COA1: variants seen among roughly 807,000 people sequenced by gnomAD.
COA1 encodes the protein cytochrome c oxidase assembly factor 1 homolog.
In COA1, 13 loss-of-function variants were observed where a neutral mutation model predicts 16.0. That is an observed-to-expected ratio of 0.81 (90% CI 0.53 to 1.29). The LOEUF (loss-of-function observed/expected upper bound fraction) is 1.29, where lower values mean the gene tolerates loss of function less well. COA1 is among the 50% of genes most tolerant of loss of function. The pLI, the probability that COA1 is intolerant of heterozygous loss-of-function variation, is 0.00. For synonymous variants in COA1, 65 were observed against 65.7 expected, an observed-to-expected ratio of 0.99 and a Z score of 0.05; for missense variants, 179 against 177.0, an observed-to-expected ratio of 1.01 and a Z score of -0.06.
At chr7:43,658,018 C>T (rs1256936371) in intron 1 of COA1, among the ~76,000 whole-genome samples, 1 of 151,836 alleles carries the variant, frequency 6.6e-6, no homozygotes, top group Non-Finnish European at 1.5e-5. Context: ...GAGTATGACT[C>T]TGTGTCAAAA....
At chr7:43,687,701 T>C (rs888107051) in intron 1 of COA1, among the ~76,000 whole-genome samples, 1 of 152,140 alleles carries the variant, frequency 6.6e-6, no homozygotes, top group Non-Finnish European at 1.5e-5. Context: ...GAAAATAGTG[T>C]TTTATAAATA....
chr7:43,692,239 C>A (rs759182468), intron 1 of COA1, among the ~76,000 whole-genome samples: 1 of 152,182 alleles, frequency 6.6e-6, no homozygotes, highest in Admixed American at 6.5e-5. Flanking sequence ...CTTTCCTGGG[C>A]CAGGCGCAGT....
intron 1 of COA1, among the ~76,000 whole-genome samples, chr7:43,691,320 A>AGAAG (rs2094306611): frequency 9.4e-6 from 1 of 106,342 alleles, no homozygotes; most frequent in South Asian, 3.9e-4. Context: ...AAAGAAAGAA[A>AGAAG]GAAAGAAAGA....
rs1273881085 is a variant in COA1 at position 43,653,094 on chromosome 7, C to T, written c.-38-4442G>A. The stretch of plus-strand genomic sequence containing the variant: ...TTGGGAGGCCGAGGCGGGTGGATCA[C>T]GAGGTCAGGAGATCGAGACCATCCT... On this transcript the variant is annotated intron_variant, in intron 1 of 5. Transcript: ENST00000223336. 2.6e-5 allele frequency among the ~76,000 whole-genome samples: 4 copies of T among 152,060 alleles called. 1 individual carries two copies. Among genetic ancestry groups the T allele is most frequent in the South Asian group, 4.1e-4 (2 of 4,832 alleles).
rs550746786 is a variant in COA1, at chr7:43,699,769, C to T, written c.-39+29660G>A. Among the ~76,000 whole-genome samples, 16 of 152,194 alleles carry T rather than the reference C, an allele frequency of 1.1e-4. No homozygotes were observed. The South Asian group carries it at 3.3e-3, about 32-fold the overall frequency. Reference sequence around the variant, plus strand: ...ACTAGAGCTATCTTAGAAGTTATGGCCAAAGGCACTTGAGAAATATGTTGA... The same window carrying T: ...ACTAGAGCTATCTTAGAAGTTATGGTCAAAGGCACTTGAGAAATATGTTGA... On this transcript the variant is annotated intron_variant, in intron 1 of 5. Transcript: ENST00000223336.
chr7:43,617,718 G>C (rs528097656), intron 6 of COA1, among the ~76,000 whole-genome samples: 1 of 152,316 alleles, frequency 6.6e-6, no homozygotes, highest in African/African-American at 2.4e-5. Flanking sequence ...AACATTGTGA[G>C]TCTTAAGGTG....
At chr7:43,686,037 A>T (rs1400648263) in intron 1 of COA1, among the ~76,000 whole-genome samples, 1 of 152,262 alleles carries the variant, frequency 6.6e-6, no homozygotes, top group Non-Finnish European at 1.5e-5. Flanking sequence ...ACAGAGAAAC[A>T]TTCTGGCAAA....
At chr7:43,728,238 T>G (rs2095659899) in intron 1 of COA1, among the ~76,000 whole-genome samples, 1 of 152,196 alleles carries the variant, frequency 6.6e-6, no homozygotes, top group Non-Finnish European at 1.5e-5. Flanking sequence ...CCTCCCAAAG[T>G]GCTGGGATTA....
In COA1 at chr7:43,640,594, G is replaced by C. The variant is rs2086798737; in HGVS notation, c.320C>G (p.Ser107Cys). The C allele has an allele frequency of 6.2e-7, 1 of 1,608,870 alleles. No homozygotes were observed. The highest frequency in any genetic ancestry group is 8.5e-7 in the Non-Finnish European group (1 of 1,177,808). The change falls in exon 5 of 6, where the codon TCC (serine) becomes TGC (cysteine). Residue 107 changes from serine to cysteine, a missense_variant. Coordinates refer to ENST00000223336, the MANE Select transcript of COA1 (RefSeq NM_018224.4). ...ATACCTCTGAAAGGGGCCACCTCTGGATGAGTGGACGTAGAGAAGGCCCTC... is the reference window on the plus strand; with the variant it reads ...ATACCTCTGAAAGGGGCCACCTCTGCATGAGTGGACGTAGAGAAGGCCCTC... ...KSEGLLYVHS[S>C]RGGPFQRWHL...
intron 1 of COA1, among the ~76,000 whole-genome samples, chr7:43,696,566 A>G (rs2094533424): frequency 6.6e-6 from 1 of 152,210 alleles, no homozygotes; most frequent in Non-Finnish European, 1.5e-5. Flanking sequence ...AAATATCAAC[A>G]TGACTGTAGT....
chr7:43,664,983 TG>T (rs2092779555), intron 1 of COA1, among the ~76,000 whole-genome samples: 1 of 152,348 alleles, frequency 6.6e-6, no homozygotes, highest in Non-Finnish European at 1.5e-5. Flanking sequence ...GCAAGCATAC[TG>T]GAAGTCTGTG....
chr7:43,614,053 TATACTA>T (rs1424203618), intron 6 of COA1, among the ~76,000 whole-genome samples: 1 of 152,168 alleles, frequency 6.6e-6, no homozygotes, highest in African/African-American at 2.4e-5. Context: ...TAATAGTTAA[TATACTA>T]GAACTTTAAT....
chr7:43,638,498 G>A (rs1397707786), downstream of COA1, among the ~76,000 whole-genome samples: 2 of 151,292 alleles, frequency 1.3e-5, no homozygotes, highest in Non-Finnish European at 2.9e-5. Flanking sequence ...AAGTTGTTTG[G>A]AAAGCAGATG....
intron 1 of COA1, among the ~76,000 whole-genome samples, chr7:43,674,123 C>T (rs2093402507): frequency 6.6e-6 from 1 of 152,096 alleles, no homozygotes; most frequent in Non-Finnish European, 1.5e-5. Flanking sequence ...ATATAACAAA[C>T]CTGCACATGT....
intron 1 of COA1, among the ~76,000 whole-genome samples, chr7:43,707,337 T>C (rs1319399179): frequency 6.6e-6 from 1 of 152,218 alleles, no homozygotes; most frequent in Non-Finnish European, 1.5e-5. Context: ...ATATTGAATA[T>C]TTACTGGGTA....
chr7:43,626,516 G>A (rs567533703), intron 6 of COA1: 1 of 152,280 alleles, frequency 6.6e-6, no homozygotes, highest in Admixed American at 6.5e-5. Context: ...GCTCCAAAAT[G>A]CAGAAGAAGA....
chr7:43,700,527 C>CATATATATATATATAT (rs371169314), intron 1 of COA1, among the ~76,000 whole-genome samples: 2 of 139,118 alleles, frequency 1.4e-5, no homozygotes, highest in Non-Finnish European at 3.2e-5. Context: ...AAAATGTAGG[C>CATATATATATATATAT]AGATATATAT....
At chr7:43,726,708 T>A (rs1403842512) in intron 1 of COA1, among the ~76,000 whole-genome samples, 2 of 152,042 alleles carry the variant, frequency 1.3e-5, no homozygotes, top group Non-Finnish European at 2.9e-5. Flanking sequence ...CATAAGGAGG[T>A]CTCCAGGGCT....
chr7:43,699,181 C>G (rs1486142452), intron 1 of COA1, among the ~76,000 whole-genome samples: 1 of 151,878 alleles, frequency 6.6e-6, no homozygotes, highest in African/African-American at 2.4e-5. Context: ...AAAAATGAAC[C>G]CTGCACTCCA....
Sources: gnomAD v4.1 joint callset for allele counts (sites outside exome capture counted in the v4.1 genomes callset) on GRCh38, gnomAD v4.1.1 for gene constraint, MANE v1.5 for transcripts, NCBI Gene and HGNC (gene_info 2026-07-23, HGNC 2026-07-21) for gene names.